Variants in MXI1 observed in about 807,000 individuals in gnomAD.
The protein encoded by MXI1 is max-interacting protein 1.
A neutral mutation model predicts 36.9 loss-of-function variants in MXI1; 18 were observed. The ratio of observed to expected loss-of-function variants is 0.49; its 90% CI spans 0.34 to 0.72. The LOEUF is 0.72. Among genes scored for constraint, MXI1 ranks in the 30% least tolerant of loss-of-function variants. The pLI, the probability that MXI1 is intolerant of heterozygous loss-of-function variation, is 0.01. For missense variants in MXI1, 304 were observed against 379.1 expected, an observed-to-expected ratio of 0.80 and a Z score of 1.64; for synonymous variants, 160 against 146.7, an observed-to-expected ratio of 1.09 and a Z score of -0.65.
intron 1 of MXI1, 126 bp downstream of exon 1, chr10:110,208,208 T>A: frequency 1.0e-6 from 1 of 999,416 alleles, no homozygotes; most frequent in Non-Finnish European, 1.4e-6. Flanking sequence ...CCCTTGGCAG[T>A]AAAGCCGATG....
intron 2 of MXI1, among the ~76,000 whole-genome samples, chr10:110,229,413 G>A (rs1855180612): frequency 6.6e-6 from 1 of 152,136 alleles, no homozygotes; most frequent in African/African-American, 2.4e-5. Context: ...ACAGCAGATT[G>A]GGTCAGAATG....
At chr10:110,250,849 TAAC>T (rs1182778850) in intron 3 of MXI1, among the ~76,000 whole-genome samples, 5 of 125,454 alleles carry the variant, frequency 4.0e-5, no homozygotes, top group South Asian at 5.4e-4. Flanking sequence ...AAAAAAAAAA[TAAC>T]AACTTTAACA....
chr10:110,236,362 A>G (rs954477858), intron 2 of MXI1, among the ~76,000 whole-genome samples: 3 of 151,982 alleles, frequency 2.0e-5, no homozygotes, highest in African/African-American at 2.4e-5. Context: ...TAGTTTTTCA[A>G]AAAGTTATGA....
chr10:110,249,264 C>A (rs1156462227), intron 3 of MXI1, among the ~76,000 whole-genome samples: 2 of 152,026 alleles, frequency 1.3e-5, no homozygotes, highest in Admixed American at 6.6e-5. Context: ...AATTCATATT[C>A]CTTAAAATTT....
rs1163207683 is a variant in MXI1, at chr10:110,286,574, TTA to T, written c.*1589_*1590del. The stretch of plus-strand genomic sequence containing the variant: ...TTAATTTCAGTCCTGTAGTTTTATT[TTA>T]TGTTTAGATAGGGCTGGGCAAGGAA... On this transcript the variant is annotated 3_prime_UTR_variant, in exon 6 of 6. Transcript: ENST00000332674. The T allele has an allele frequency of 1.3e-5, 2 of 152,740 alleles. No individual in the cohort carries two copies. The highest frequency in any genetic ancestry group is 3.9e-4 in the East Asian group (2 of 5,190). 9.5% of individuals were successfully genotyped at this position (152,740 alleles called of 1,614,324 possible).
rs761427235 is a variant in MXI1, at chr10:110,268,325, TATAAA to T, written c.438-10849_438-10845del. 1.3e-4 allele frequency among the ~76,000 whole-genome samples: 20 copies of T among 152,316 alleles called. No individual in the cohort carries two copies. The East Asian group carries it at 3.3e-3, about 25-fold the overall frequency. On this transcript the variant is annotated intron_variant, in intron 3 of 5. Transcript: ENST00000332674. ...TGGTATTGAGCTGAGGCTGGAATCA[TATAAA>T]ATAAATACTAGAGCTTTGATTCCTC...
chr10:110,272,645 T>C (rs1461723476), intron 3 of MXI1, among the ~76,000 whole-genome samples: 1 of 151,884 alleles, frequency 6.6e-6, no homozygotes, highest in Non-Finnish European at 1.5e-5. Context: ...TGTATACAGA[T>C]AAGCCCTTTC....
intron 2 of MXI1, among the ~76,000 whole-genome samples, chr10:110,239,607 T>C (rs1201364314): frequency 1.3e-5 from 2 of 152,206 alleles, no homozygotes; most frequent in African/African-American, 4.8e-5. Flanking sequence ...TTACTCTGTA[T>C]GATTTCAGTA....
At chr10:110,224,052 G>A (rs1590334681) in intron 1 of MXI1, among the ~76,000 whole-genome samples, 1 of 152,124 alleles carries the variant, frequency 6.6e-6, no homozygotes, top group Non-Finnish European at 1.5e-5. Context: ...AAAACAAAAG[G>A]TATGAGGGAA....
chr10:110,214,415 C>A (rs1032103772), intron 1 of MXI1, among the ~76,000 whole-genome samples: 4 of 152,058 alleles, frequency 2.6e-5, no homozygotes, highest in African/African-American at 9.7e-5. Flanking sequence ...GGAAACACCA[C>A]CCCCCTCCTG....
At chr10:110,277,344 C>G (rs1857070380) in intron 3 of MXI1, among the ~76,000 whole-genome samples, 3 of 152,226 alleles carry the variant, frequency 2.0e-5, no homozygotes, top group Admixed American at 1.3e-4. Context: ...TGTTTCCACG[C>G]TCCAGTCATA....
chr10:110,243,786 G>A lies in MXI1; in HGVS notation c.408-1042G>A, dbSNP rs567919640. Reference sequence around the variant, plus strand: ...TTAGTCCTTATAACAATCATATGAGGCAAATACTGTTATTTTTCCTATTTC... The same window carrying A: ...TTAGTCCTTATAACAATCATATGAGACAAATACTGTTATTTTTCCTATTTC... On this transcript the variant is annotated intron_variant, in intron 2 of 5. Transcript: ENST00000332674. Among the ~76,000 whole-genome samples, 10 of 152,106 alleles carry A rather than the reference G, an allele frequency of 6.6e-5. No individual in the cohort carries two copies. In the South Asian group the frequency reaches 2.1e-3, roughly 32 times the overall value.
At position 110,263,725 on chromosome 10, in the gene MXI1, T is replaced by A. The variant is rs181673217; in HGVS notation, c.438-15455T>A. ...TCAGCTTGCTTTTCGAGATATACTC[T>A]TTTCTATGATTTTCATCTGCAGTTG... On this transcript the variant is annotated intron_variant, in intron 3 of 5. Transcript: ENST00000332674. Among the ~76,000 whole-genome samples, 3 of 152,356 alleles carry A rather than the reference T, an allele frequency of 2.0e-5. No individual in the cohort carries two copies. In the East Asian group the frequency reaches 5.8e-4, roughly 29 times the overall value.
chr10:110,253,751 G>T (rs921752419), intron 3 of MXI1, among the ~76,000 whole-genome samples: 1 of 152,034 alleles, frequency 6.6e-6, no homozygotes. Context: ...TGTAATTTTG[G>T]AAAGTTTAGT....
chr10:110,259,280 A>G (rs950138911), intron 3 of MXI1, among the ~76,000 whole-genome samples: 4 of 152,230 alleles, frequency 2.6e-5, no homozygotes, highest in Admixed American at 2.0e-4. Context: ...GATTTTCTTG[A>G]GATATTTTAG....
intron 3 of MXI1, among the ~76,000 whole-genome samples, chr10:110,246,519 G>A (rs1280082340): frequency 6.6e-6 from 1 of 152,122 alleles, no homozygotes; most frequent in Admixed American, 6.6e-5. Context: ...TAGTTTTTCA[G>A]GCAGACTCAG....
At chr10:110,214,843 G>GTTT (rs5787838) in intron 1 of MXI1, among the ~76,000 whole-genome samples, 3 of 135,240 alleles carry the variant, frequency 2.2e-5, no homozygotes, top group East Asian at 2.1e-4. Context: ...TGGCTTTTGA[G>GTTT]TTTTTTTTTT....
chr10:110,257,934 C>G (rs1284728840), intron 3 of MXI1: 1 of 158,082 alleles, frequency 6.3e-6, no homozygotes, highest in Non-Finnish European at 1.4e-5. Flanking sequence ...TTAAGGATTT[C>G]TAATTAACAA....
chr10:110,264,886 T>G (rs1327881828), intron 3 of MXI1, among the ~76,000 whole-genome samples: 1 of 152,230 alleles, frequency 6.6e-6, no homozygotes, highest in Non-Finnish European at 1.5e-5. Context: ...AAAAATTGAT[T>G]TTTAAACATT....
Sources: allele counts gnomAD v4.1 joint callset (sites outside exome capture counted in the v4.1 genomes callset), GRCh38; gene constraint gnomAD v4.1.1; transcripts MANE v1.5; gene names NCBI Gene and HGNC (gene_info 2026-07-23, HGNC 2026-07-21).